Variants in KLHL29 observed in about 807,000 individuals in gnomAD.
KLHL29 encodes the protein kelch-like protein 29.
A neutral mutation model predicts 80.4 loss-of-function variants in KLHL29; 21 were observed. The observed-to-expected ratio is 0.26, with a 90% CI of 0.19 to 0.38. The LOEUF is 0.38. KLHL29 is among the 10% of genes least tolerant of loss of function. The pLI, the probability that KLHL29 is intolerant of heterozygous loss-of-function variation, is 1.00. For synonymous variants in KLHL29, 511 were observed against 526.8 expected, an observed-to-expected ratio of 0.97 and a Z score of 0.41; for missense variants, 867 against 1,223.9, an observed-to-expected ratio of 0.71 and a Z score of 4.35.
chr2:23,445,541 C>T (rs777727761), intron 1 of KLHL29, among the ~76,000 whole-genome samples: 1 of 152,216 alleles, frequency 6.6e-6, no homozygotes, highest in Non-Finnish European at 1.5e-5. Context: ...GGGTTGTTTC[C>T]GGTCTTTTTC....
intron 1 of KLHL29, among the ~76,000 whole-genome samples, chr2:23,474,704 CAGAATGA>C (rs1404446792): frequency 1.3e-5 from 2 of 152,072 alleles, no homozygotes; most frequent in Non-Finnish European, 2.9e-5. Flanking sequence ...GACCATAAGG[CAGAATGA>C]GTTTACAATA....
rs189030476 is a variant in KLHL29, at chr2:23,480,792, G to A, written c.-46+5125G>A. ...CTATGTTGTACTATGTTCATCTTGCGCCACCCCACATGAACTCTACGGGCT... is the reference window on the plus strand; with the variant it reads ...CTATGTTGTACTATGTTCATCTTGCACCACCCCACATGAACTCTACGGGCT... On this transcript the variant is annotated intron_variant, in intron 2 of 13. Coordinates refer to ENST00000486442, the MANE Select transcript of KLHL29 (RefSeq NM_052920.2). 1.6e-3 allele frequency among the ~76,000 whole-genome samples: 237 copies of A among 152,182 alleles called. 1 individual carries two copies. Among genetic ancestry groups the A allele is most frequent in the Admixed American group, 5.3e-3 (81 of 15,280 alleles).
At position 23,682,976 on chromosome 2, in the gene KLHL29, C is replaced by T. The variant is rs1402321137; in HGVS notation, c.941-1423C>T. Among the ~76,000 whole-genome samples, 1 of 152,242 alleles carries T rather than the reference C, an allele frequency of 6.6e-6. No homozygotes were observed. The highest frequency in any genetic ancestry group is 1.5e-5 in the Non-Finnish European group (1 of 68,038). Reference sequence around the variant, plus strand: ...CGTGTTCTCCAGGAGCCCCTCCCACCGTCTTCCTTGGTCTTCAGCAGAGCC... The same window carrying T: ...CGTGTTCTCCAGGAGCCCCTCCCACTGTCTTCCTTGGTCTTCAGCAGAGCC... On this transcript the variant is annotated intron_variant, in intron 5 of 13. Coordinates refer to ENST00000486442, the MANE Select transcript of KLHL29 (RefSeq NM_052920.2). This position sits in a 1 kb window ranked among gnomAD's most constrained non-coding sequence, Gnocchi z 4.1.
At chr2:23,511,138 A>G (rs1365721937) in intron 2 of KLHL29, among the ~76,000 whole-genome samples, 2 of 152,146 alleles carry the variant, frequency 1.3e-5, no homozygotes, top group Non-Finnish European at 1.5e-5. Context: ...CTCTGGCATC[A>G]GAAGTTTCTA....
chr2:23,490,757 C>T (rs1665073511), intron 2 of KLHL29, among the ~76,000 whole-genome samples: 1 of 152,022 alleles, frequency 6.6e-6, no homozygotes, highest in Non-Finnish European at 1.5e-5. Flanking sequence ...TGGTTCATAC[C>T]CTTCCCTCCT....
chr2:23,614,558 A>T (rs1668953598), intron 3 of KLHL29, among the ~76,000 whole-genome samples: 1 of 152,388 alleles, frequency 6.6e-6, no homozygotes, highest in South Asian at 2.1e-4. Flanking sequence ...CAATTAGTAA[A>T]CATGACAACG....
intron 5 of KLHL29, among the ~76,000 whole-genome samples, chr2:23,648,458 C>G (rs532720677): frequency 7.9e-5 from 12 of 151,788 alleles, no homozygotes; most frequent in Non-Finnish European, 1.6e-4. Flanking sequence ...TTTGAAACAC[C>G]TAGCTCCCAG....
chr2:23,671,132 T>C lies in KLHL29; in HGVS notation c.941-13267T>C, dbSNP rs911804735. Among the ~76,000 whole-genome samples, 3 of 151,548 alleles carry C rather than the reference T, an allele frequency of 2.0e-5. No individual in the cohort carries two copies. In the South Asian group the frequency reaches 6.3e-4, roughly 32 times the overall value. ...TGGGGTTTCCATTTCATTTCCCTCT[T>C]TACCTAGGTAACTAAACTGATTGTA... On this transcript the variant is annotated intron_variant, in intron 5 of 13. Coordinates refer to ENST00000486442, the MANE Select transcript of KLHL29 (RefSeq NM_052920.2).
At chr2:23,433,752 GA>G (rs1194478434) in intron 1 of KLHL29, among the ~76,000 whole-genome samples, 3 of 151,954 alleles carry the variant, frequency 2.0e-5, no homozygotes, top group African/African-American at 7.3e-5. Flanking sequence ...CCATCTCTAC[GA>G]AAAAAATTTT....
chr2:23,452,912 C>CACA (rs554453898), intron 1 of KLHL29, among the ~76,000 whole-genome samples: 8,815 of 150,208 alleles, frequency 0.059, 310 homozygotes, highest in African/African-American at 0.097. Context: ...ACCCCCCCGC[C>CACA]CACACACACA....
intron 13 of KLHL29, among the ~76,000 whole-genome samples, 170 bp from the exon 14 acceptor site, chr2:23,706,311 G>C (rs4233702): frequency 1.3e-5 from 2 of 151,880 alleles, no homozygotes; most frequent in East Asian, 3.9e-4. Flanking sequence ...TGGAGGACAG[G>C]TGTTTTTCTT....
In KLHL29 at chr2:23,540,909, G is replaced by A. The variant is rs564796155; in HGVS notation, c.-45-21243G>A. On this transcript the variant is annotated intron_variant, in intron 2 of 13. Coordinates refer to ENST00000486442, the MANE Select transcript of KLHL29 (RefSeq NM_052920.2). ...CCTTTGTTTTTGGAGTTCATATATC[G>A]TATCTATGGGATTTGGGTCTGTTTG... Among the ~76,000 whole-genome samples, 14 of 152,280 alleles carry A rather than the reference G, an allele frequency of 9.2e-5. No homozygotes were observed. In the South Asian group the frequency reaches 1.2e-3, roughly 14 times the overall value.
At chr2:23,458,555 A>G (rs1558345668) in intron 1 of KLHL29, among the ~76,000 whole-genome samples, 1 of 152,204 alleles carries the variant, frequency 6.6e-6, no homozygotes, top group Non-Finnish European at 1.5e-5. Context: ...AATTAATCAT[A>G]TAATCACAAA....
chr2:23,490,090 G>A (rs189841709), intron 2 of KLHL29, among the ~76,000 whole-genome samples: 36 of 152,342 alleles, frequency 2.4e-4, no homozygotes, highest in East Asian at 2.1e-3. Flanking sequence ...CTCCGTGGGC[G>A]AGGATGCGCG....
intron 2 of KLHL29, among the ~76,000 whole-genome samples, chr2:23,491,403 T>C (rs771789291): frequency 5.3e-5 from 8 of 152,128 alleles, no homozygotes; most frequent in African/African-American, 1.4e-4. Flanking sequence ...GATGGCTTTC[T>C]CCTGCTTGGG....
At chr2:23,520,964 T>C (rs953364110) in intron 2 of KLHL29, among the ~76,000 whole-genome samples, 3 of 151,130 alleles carry the variant, frequency 2.0e-5, no homozygotes, top group African/African-American at 7.3e-5. Flanking sequence ...ATACAAATTC[T>C]GATTACTGCT....
chr2:23,635,044 C>T (rs1480165254), intron 3 of KLHL29, among the ~76,000 whole-genome samples: 1 of 152,224 alleles, frequency 6.6e-6, no homozygotes, highest in Non-Finnish European at 1.5e-5. Flanking sequence ...GAGGTGAGAA[C>T]AAGCAAGGCC....
chr2:23,649,600 T>C (rs1182200502), intron 5 of KLHL29, among the ~76,000 whole-genome samples: 1 of 152,212 alleles, frequency 6.6e-6, no homozygotes, highest in Non-Finnish European at 1.5e-5. Context: ...CCCTGGACCC[T>C]CTCTCCACGG....
rs1198027940 is a variant in KLHL29 at position 23,691,956 on chromosome 2, C to T, written c.1282+80C>T. ...AACTCCATAAACAGCAAGGACTGAGCGGGGAGGTCTGTGTGTGCACACCTG... is the reference window on the plus strand; with the variant it reads ...AACTCCATAAACAGCAAGGACTGAGTGGGGAGGTCTGTGTGTGCACACCTG... On this transcript the variant is annotated intron_variant, in intron 7 of 13. Coordinates refer to ENST00000486442, the MANE Select transcript of KLHL29 (RefSeq NM_052920.2). The T allele has an allele frequency of 1.9e-5, 27 of 1,402,256 alleles. No homozygotes were observed. In the Middle Eastern group the frequency reaches 1.4e-3, roughly 73 times the overall value. 86.9% of individuals were successfully genotyped at this position (1,402,256 alleles called of 1,614,324 possible). A position where few individuals can be genotyped will look rare whatever the true frequency, so the allele number is the denominator to read the frequency against.
Sources: gnomAD v4.1 joint callset for allele counts (sites outside exome capture counted in the v4.1 genomes callset) on GRCh38, gnomAD v4.1.1 for gene constraint, Gnocchi (gnomAD v3.1) non-coding constraint, MANE v1.5 for transcripts, NCBI Gene and HGNC (gene_info 2026-07-23, HGNC 2026-07-21) for gene names.